Variants in LRP1B observed in about 807,000 individuals in gnomAD.
LRP1B encodes low-density lipoprotein receptor-related protein 1B.
A neutral mutation model predicts 556.6 loss-of-function variants in LRP1B; 217 were observed. The observed-to-expected ratio is 0.39, with a 90% CI of 0.35 to 0.44. LRP1B has a LOEUF of 0.44. Ranked by LOEUF, LRP1B falls within the 20% of genes least tolerant of loss-of-function variation. LRP1B has a pLI of 1.00. For synonymous variants in LRP1B, 2,047 were observed against 1,865.8 expected, an observed-to-expected ratio of 1.10 and a Z score of -2.50; for missense variants, 5,053 against 5,620.8, an observed-to-expected ratio of 0.90 and a Z score of 3.23.
intron 1 of LRP1B, among the ~76,000 whole-genome samples, chr2:141,900,596 C>T (rs1574476476): frequency 6.6e-6 from 1 of 151,980 alleles, no homozygotes; most frequent in Admixed American, 6.6e-5. Context: ...TTACTCATTG[C>T]CATGCCTGTG....
At chr2:141,980,361 A>C (rs1168259009) in intron 1 of LRP1B, among the ~76,000 whole-genome samples, 3 of 152,118 alleles carry the variant, frequency 2.0e-5, no homozygotes, top group African/African-American at 7.2e-5. Context: ...GGCTTTGCAC[A>C]ATTACGTGGG....
At chr2:140,976,331 T>C (rs1255438101) in intron 18 of LRP1B, among the ~76,000 whole-genome samples, 1 of 151,746 alleles carries the variant, frequency 6.6e-6, no homozygotes, top group African/African-American at 2.4e-5. Flanking sequence ...TGTAATTTTG[T>C]AAGATAACAA....
chr2:140,623,506 A>C (rs1683531671), intron 41 of LRP1B, among the ~76,000 whole-genome samples: 2 of 152,192 alleles, frequency 1.3e-5, no homozygotes, highest in Admixed American at 1.3e-4. Context: ...TAGTAACAAT[A>C]AATAAAATAC....
chr2:141,789,857 T>C (rs1177194714), intron 2 of LRP1B, among the ~76,000 whole-genome samples: 1 of 152,000 alleles, frequency 6.6e-6, no homozygotes, highest in East Asian at 1.9e-4. Flanking sequence ...AATAAGTGTC[T>C]TCTACTTAGA....
intron 2 of LRP1B, among the ~76,000 whole-genome samples, chr2:141,551,652 C>G (rs1685754168): frequency 1.3e-5 from 2 of 152,128 alleles, no homozygotes; most frequent in Middle Eastern, 3.4e-3. Context: ...GGCTACATAG[C>G]ATGCAAATGT....
At chr2:141,599,527 C>T (rs1320184844) in intron 2 of LRP1B, among the ~76,000 whole-genome samples, 17 of 152,004 alleles carry the variant, frequency 1.1e-4, no homozygotes, top group Admixed American at 1.1e-3. Flanking sequence ...TTAGGGTAAC[C>T]ATGGCTGGAA....
intron 27 of LRP1B, among the ~76,000 whole-genome samples, chr2:140,865,324 A>G (rs1006013603): frequency 6.6e-6 from 1 of 151,990 alleles, no homozygotes; most frequent in African/African-American, 2.4e-5. Flanking sequence ...TAATTTGTGA[A>G]AGATATATTT....
intron 1 of LRP1B, among the ~76,000 whole-genome samples, chr2:141,896,567 A>C (rs1255757451): frequency 6.6e-6 from 1 of 152,100 alleles, no homozygotes; most frequent in African/African-American, 2.4e-5. Flanking sequence ...CTTTTCCTTC[A>C]TTTGATATGG....
At chr2:141,526,094 G>A (rs1325142749) in intron 2 of LRP1B, among the ~76,000 whole-genome samples, 1 of 151,948 alleles carries the variant, frequency 6.6e-6, no homozygotes, top group Non-Finnish European at 1.5e-5. Context: ...GGTAAAGTTA[G>A]ACAGTTTGGT....
At chr2:142,024,130 C>A (rs1703430787) in intron 1 of LRP1B, among the ~76,000 whole-genome samples, 1 of 152,188 alleles carries the variant, frequency 6.6e-6, no homozygotes, top group Admixed American at 6.5e-5. Flanking sequence ...AGTTTGCCTA[C>A]TAGGCAAGGC....
chr2:140,234,639 C>T, intron 90 of LRP1B, 147 bp downstream of exon 90: 1 of 577,630 alleles, frequency 1.7e-6, no homozygotes, highest in East Asian at 2.8e-5. Context: ...GGACACATAA[C>T]ATAAGCCCCC....
chr2:140,874,184 T>C (rs1035850046), intron 25 of LRP1B, among the ~76,000 whole-genome samples: 2 of 152,300 alleles, frequency 1.3e-5, no homozygotes, highest in East Asian at 1.9e-4. Flanking sequence ...GGTCTTTCTA[T>C]AGATTGGGGC....
intron 35 of LRP1B, among the ~76,000 whole-genome samples, chr2:140,734,598 C>T (rs190591381): frequency 4.6e-4 from 70 of 152,200 alleles, no homozygotes; most frequent in Non-Finnish European, 5.0e-4. Context: ...CAGTAAAAGC[C>T]CAATGTCCCA....
At chr2:140,593,963 T>C (rs1682330100) in intron 43 of LRP1B, among the ~76,000 whole-genome samples, 1 of 151,952 alleles carries the variant, frequency 6.6e-6, no homozygotes, top group Non-Finnish European at 1.5e-5. Context: ...TACAAACACA[T>C]GCCCATGACA....
intron 2 of LRP1B, among the ~76,000 whole-genome samples, chr2:141,566,710 C>T (rs1686343558): frequency 6.6e-6 from 1 of 152,022 alleles, no homozygotes; most frequent in South Asian, 2.1e-4. Context: ...AAATAAACTC[C>T]TGGATGGGTG....
At position 140,291,054 on chromosome 2, in the gene LRP1B, A is replaced by T. The variant is rs185131432; in HGVS notation, c.12967+6754T>A. On this transcript the variant is annotated intron_variant, in intron 84 of 90. Coordinates refer to ENST00000389484, the MANE Select transcript of LRP1B (RefSeq NM_018557.3). ...GAAAGGATACATATTCACATATTAG[A>T]TAAAATAATGTGTCATAGCAACGTC... Among the ~76,000 whole-genome samples the T allele has an allele frequency of 3.1e-3, 475 of 152,026 alleles. 2 individuals are homozygous for T. The highest frequency in any genetic ancestry group is 0.011 in the African/African-American group (465 of 41,532).
intron 59 of LRP1B, among the ~76,000 whole-genome samples, chr2:140,477,087 TGGA>T (rs1445310089): frequency 6.6e-6 from 1 of 152,032 alleles, no homozygotes; most frequent in Non-Finnish European, 1.5e-5. Context: ...AATAAATTTA[TGGA>T]GAAGTACCTT....
intron 20 of LRP1B, among the ~76,000 whole-genome samples, chr2:140,924,136 G>A (rs1467951512): frequency 2.6e-5 from 4 of 151,882 alleles, no homozygotes; most frequent in Admixed American, 6.6e-5. Flanking sequence ...ATATAATTAT[G>A]ATTAATTTGA....
chr2:141,240,591 AAG>A (rs145888372), intron 5 of LRP1B, among the ~76,000 whole-genome samples: 1,887 of 152,164 alleles, frequency 0.012, 36 homozygotes, highest in African/African-American at 0.044. Context: ...AAGATAGAAA[AAG>A]AGTTAATTGT....
Sources: allele counts gnomAD v4.1 joint callset (sites outside exome capture counted in the v4.1 genomes callset), GRCh38; gene constraint gnomAD v4.1.1; transcripts MANE v1.5; gene names NCBI Gene and HGNC (gene_info 2026-07-23, HGNC 2026-07-21).